Variants in CHD6 observed in about 807,000 individuals in gnomAD.
CHD6 encodes chromodomain helicase DNA binding protein 6.
A neutral mutation model predicts 276.9 loss-of-function variants in CHD6; 50 were observed. The observed-to-expected ratio is 0.18, with a 90% CI of 0.14 to 0.23. The LOEUF (loss-of-function observed/expected upper bound fraction) is 0.23. CHD6 is among the 10% of genes least tolerant of loss of function. CHD6 has a pLI of 1.00. For synonymous variants in CHD6, 1,173 were observed against 1,229.3 expected, an observed-to-expected ratio of 0.95 and a Z score of 0.96; for missense variants, 2,564 against 3,365.8, an observed-to-expected ratio of 0.76 and a Z score of 5.89.
chr20:41,445,268 T>C (rs2048029111), intron 25 of CHD6, among the ~76,000 whole-genome samples: 1 of 152,216 alleles, frequency 6.6e-6, no homozygotes, highest in Non-Finnish European at 1.5e-5. Context: ...AGAATGACCT[T>C]ATAATTCTGC....
intron 17 of CHD6, among the ~76,000 whole-genome samples, chr20:41,459,624 T>C (rs2048482442): frequency 6.6e-6 from 1 of 152,232 alleles, no homozygotes; most frequent in Admixed American, 6.5e-5. Context: ...ATCAGGGATT[T>C]CTACTTTTGC....
At chr20:41,521,651 G>C (rs1000888412) in intron 3 of CHD6, among the ~76,000 whole-genome samples, 7 of 152,152 alleles carry the variant, frequency 4.6e-5, no homozygotes, top group Admixed American at 4.6e-4. Flanking sequence ...AAGGGCCTAA[G>C]AGCAAAGATG....
chr20:41,487,893 G>C, intron 13 of CHD6, 85 bp from the exon 14 acceptor site: 1 of 1,426,936 alleles, frequency 7.0e-7, no homozygotes, highest in Non-Finnish European at 9.6e-7. Flanking sequence ...CCAGGGCATT[G>C]AGTGCTCAAT....
At chr20:41,510,414 A>G (rs1025078057) in intron 5 of CHD6, among the ~76,000 whole-genome samples, 1 of 152,204 alleles carries the variant, frequency 6.6e-6, no homozygotes, top group Non-Finnish European at 1.5e-5. Flanking sequence ...CTGGTTGTGT[A>G]GCCTGCCCTG....
chr20:41,414,754 C>T, intron 34 of CHD6: 1 of 910,888 alleles, frequency 1.1e-6, no homozygotes, highest in Non-Finnish European at 1.4e-6. Flanking sequence ...CCAATATCAC[C>T]CAGTAAGTCA....
chr20:41,603,780 T>C (rs1376692798), intron 1 of CHD6, among the ~76,000 whole-genome samples: 1 of 151,836 alleles, frequency 6.6e-6, no homozygotes, highest in African/African-American at 2.4e-5. Context: ...GGCAGGAGAA[T>C]CACTTGAACC....
intron 1 of CHD6, among the ~76,000 whole-genome samples, chr20:41,592,098 C>G (rs947803607): frequency 3.3e-5 from 5 of 151,804 alleles, no homozygotes; most frequent in Non-Finnish European, 7.4e-5. Flanking sequence ...GACTCTGTAT[C>G]AAACAAACAA....
intron 7 of CHD6, 94 bp downstream of exon 7, chr20:41,498,074 G>A: frequency 1.1e-6 from 1 of 877,344 alleles, no homozygotes; most frequent in Non-Finnish European, 1.9e-6. Flanking sequence ...TTAGAGGCAA[G>A]ACTCTGAAGA....
chr20:41,556,325 CCTT>C (rs1346553518), intron 1 of CHD6, among the ~76,000 whole-genome samples: 4 of 75,466 alleles, frequency 5.3e-5, no homozygotes, highest in African/African-American at 1.1e-4. Flanking sequence ...GGAGAGGGCA[CCTT>C]TTTTTTTTTT....
Position 41,405,183 on chromosome 20 carries a change from T to G in CHD6, c.7558A>C (p.Met2520Leu). The change falls in exon 37 of 37, where the codon ATG (methionine) becomes CTG (leucine). Residue 2520 changes from methionine (M) to leucine (L), a missense_variant. By Grantham distance (15) the Met-to-Leu change is conservative. This residue lies in a region of CHD6 where 238 missense variants were observed against 266.0 expected (regional missense o/e 0.89). Coordinates refer to ENST00000373233, the MANE Select transcript of CHD6 (RefSeq NM_032221.5). Reference protein sequence around the residue: ...EVKSTLSMLPMMLPGMAAVPQ... With the variant: ...EVKSTLSMLPLMLPGMAAVPQ... ...ACAGCAGCCATGCCTGGCAGCATCA[T>G]GGGCAGCATGCTCAGGGTACTTTTG... 1 of 1,614,196 alleles carries G rather than the reference T, an allele frequency of 6.2e-7. No homozygotes were observed. Among genetic ancestry groups the G allele is most frequent in the Non-Finnish European group, 8.5e-7 (1 of 1,180,038 alleles).
Position 41,457,845 on chromosome 20 carries a change from T to C in CHD6, c.2665-417A>G, listed in dbSNP as rs144834225. 1.7e-4 allele frequency among the ~76,000 whole-genome samples: 26 copies of C among 152,284 alleles called. 1 individual carries two copies. The East Asian group carries it at 4.8e-3, about 28-fold the overall frequency. ...AAATTTTCAAACATAGATCAAAATA[T>C]AGGGAAGTATAATGACCTCTTACGG... is the stretch of plus-strand genomic sequence containing the variant. On this transcript the variant is annotated intron_variant, in intron 17 of 36. Coordinates refer to ENST00000373233, the MANE Select transcript of CHD6 (RefSeq NM_032221.5).
At chr20:41,596,180 T>C (rs956375466) in intron 1 of CHD6, among the ~76,000 whole-genome samples, 6 of 151,870 alleles carry the variant, frequency 4.0e-5, no homozygotes, top group Non-Finnish European at 7.4e-5. Flanking sequence ...CAACGAGAAA[T>C]AGAACAATGC....
At chr20:41,560,272 C>T (rs746205788) in intron 1 of CHD6, among the ~76,000 whole-genome samples, 94 of 152,132 alleles carry the variant, frequency 6.2e-4, no homozygotes, top group African/African-American at 1.9e-3. Context: ...CCTGCATAAG[C>T]GATCTGGCCT....
chr20:41,437,540 C>T (rs539196365), intron 26 of CHD6, among the ~76,000 whole-genome samples: 2 of 152,060 alleles, frequency 1.3e-5, no homozygotes, highest in South Asian at 2.1e-4. Context: ...CCTTACTGTC[C>T]CTAATTTATA....
chr20:41,533,123 A>G lies in CHD6; in HGVS notation c.481T>C (p.Ser161Pro), dbSNP rs2044730383. 1 of 1,613,992 alleles carries G rather than the reference A, an allele frequency of 6.2e-7. No individual in the cohort carries two copies. Among genetic ancestry groups the G allele is most frequent in the East Asian group, 2.2e-5 (1 of 44,884 alleles). ...AKKARKPREA[S>P]GTKEAKEKRS... ...TTCTCTTTGGCCTCCTTGGTGCCCG[A>G]GGCCTCCCGGGGCTTCCGTGCCTTC... The change falls in exon 3 of 37, where the codon TCG becomes CCG. Residue 161 changes from serine (S) to proline (P), a missense_variant. Transcript: ENST00000373233.
chr20:41,543,727 A>G (rs1054356187), intron 2 of CHD6, among the ~76,000 whole-genome samples: 1 of 152,238 alleles, frequency 6.6e-6, no homozygotes, highest in South Asian at 2.1e-4. Flanking sequence ...TACAACCACC[A>G]TCGTAAGAAT....
intron 5 of CHD6, among the ~76,000 whole-genome samples, chr20:41,511,027 G>C (rs1568659346): frequency 6.6e-6 from 1 of 152,178 alleles, no homozygotes; most frequent in African/African-American, 2.4e-5. Flanking sequence ...CTGCTGCTAT[G>C]TAACTCTGAC....
At chr20:41,484,758 G>A in intron 14 of CHD6, 151 bp from the exon 15 acceptor site, 1 of 793,466 alleles carries the variant, frequency 1.3e-6, no homozygotes, top group Non-Finnish European at 2.0e-6. Flanking sequence ...CCTGAAAATG[G>A]AGAGTTTATA....
Position 41,408,169 on chromosome 20 carries a change from G to A in CHD6, c.7252-2680C>T, listed in dbSNP as rs2046735754. On this transcript the variant is annotated intron_variant, in intron 36 of 36. Coordinates refer to ENST00000373233, the MANE Select transcript of CHD6 (RefSeq NM_032221.5). ...AAAAAGCCTTGGTTTGCATCACAGA[G>A]CTGGAAGAAACCCCTGAAACTGTTA... Among the ~76,000 whole-genome samples the A allele has an allele frequency of 2.0e-5, 3 of 150,042 alleles. No homozygotes were observed. In the Admixed American group the frequency reaches 2.0e-4, roughly 10 times the overall value.
Sources: allele counts gnomAD v4.1 joint callset (sites outside exome capture counted in the v4.1 genomes callset), GRCh38; gene constraint gnomAD v4.1.1; regional missense constraint gnomAD v4.1.1; transcripts MANE v1.5; gene names NCBI Gene and HGNC (gene_info 2026-07-23, HGNC 2026-07-21).